The following NOL4L variants were observed in gnomAD, a reference collection of about 807,000 sequenced individuals.
NOL4L encodes the protein nucleolar protein 4-like.
NOL4L carries 7 observed loss-of-function variants against 64.5 expected under a neutral mutation model. The observed-to-expected ratio is 0.11, with a 90% CI of 0.06 to 0.20. NOL4L has a LOEUF of 0.20. Ranked by LOEUF, NOL4L falls within the 10% of genes least tolerant of loss-of-function variation. NOL4L has a pLI of 1.00. For synonymous variants in NOL4L, 413 were observed against 401.0 expected, an observed-to-expected ratio of 1.03 and a Z score of -0.36; for missense variants, 680 against 967.1, an observed-to-expected ratio of 0.70 and a Z score of 3.94.
rs958189204 is a variant in NOL4L, at chr20:32,445,996, C to T, written c.*1600G>A. On this transcript the variant is annotated 3_prime_UTR_variant, in exon 11 of 11. Coordinates refer to ENST00000621426, the MANE Select transcript of NOL4L (RefSeq NM_001256798.2). ...GTGCCTGTTCTGGGAGCGAGTGGCT[C>T]TCCGTGGCCATCCTAGGATCCACTC... is the stretch of plus-strand genomic sequence containing the variant. 6.6e-6 allele frequency: 1 copy of T among 152,206 alleles called. No individual in the cohort carries two copies. The highest frequency in any genetic ancestry group is 2.4e-5 in the African/African-American group (1 of 41,446). 9.4% of individuals were successfully genotyped at this position (152,206 alleles called of 1,614,324 possible).
At chr20:32,452,785 G>A (rs550772308) in intron 9 of NOL4L, 99 bp downstream of exon 9, 107 of 1,549,160 alleles carry the variant, frequency 6.9e-5, no homozygotes, top group Non-Finnish European at 8.6e-5. Flanking sequence ...CCCTTCTCCC[G>A]ACTGTACCCA....
At chr20:32,581,669 C>A (rs1980482919) in intron 1 of NOL4L, among the ~76,000 whole-genome samples, 1 of 152,220 alleles carries the variant, frequency 6.6e-6, no homozygotes. Flanking sequence ...CCATGGGCTT[C>A]TTTATCCTGT....
At chr20:32,481,762 C>G (rs958704338) in intron 4 of NOL4L, among the ~76,000 whole-genome samples, 2 of 152,180 alleles carry the variant, frequency 1.3e-5, no homozygotes, top group Admixed American at 6.5e-5. Context: ...AATTTACTAC[C>G]CGGGGGGCTA....
At chr20:32,484,689 C>G (rs1400934801) in intron 4 of NOL4L, among the ~76,000 whole-genome samples, 1 of 152,102 alleles carries the variant, frequency 6.6e-6, no homozygotes, top group Non-Finnish European at 1.5e-5. Flanking sequence ...ATCTCGGGGA[C>G]GTCGCTCCAG....
intron 1 of NOL4L, among the ~76,000 whole-genome samples, chr20:32,550,850 T>C (rs924969063): frequency 1.3e-5 from 2 of 148,196 alleles, no homozygotes; most frequent in Non-Finnish European, 3.0e-5. Context: ...ACCACTGCAC[T>C]CCAGCCTGGG....
Position 32,527,739 on chromosome 20 carries a change from A to C in NOL4L, c.477+19T>G. ...AAGGCCTGGGGCTGCCAGTGGAGGC[A>C]AAGAGACAGAAATCTCACCGCTCGG... is the stretch of plus-strand genomic sequence containing the variant. On this transcript the variant is annotated intron_variant, in intron 2 of 10. Transcript: ENST00000621426. 6.5e-7 allele frequency: 1 copy of C among 1,540,644 alleles called. No homozygotes were observed. The highest frequency in any genetic ancestry group is 8.8e-7 in the Non-Finnish European group (1 of 1,139,776).
intron 1 of NOL4L, among the ~76,000 whole-genome samples, chr20:32,528,415 G>C (rs1368422914): frequency 1.3e-5 from 2 of 152,346 alleles, no homozygotes; most frequent in East Asian, 3.9e-4. Context: ...AGCTTTTCGC[G>C]GCTGCCTGCC....
chr20:32,453,717 C>T lies in NOL4L; in HGVS notation c.1164G>A (p.Glu388=), dbSNP rs1282595480. Residue 388 remains glutamate (E), a synonymous_variant, in exon 7 of 11, where the codon GAG becomes GAA. Transcript: ENST00000621426. The surrounding 1 kb of genome is among the most constrained non-coding windows in gnomAD (Gnocchi z 5.6). ...TCAGGTCCTCAGGGCAGCCGCTGAC[C>T]TCGGTCTTGATGGAATCGTAGCTCC... The part of the protein sequence containing the change: ...SSGSYDSIKT[E]VSGCPEDLTV... 6.4e-7 allele frequency: 1 copy of T among 1,557,722 alleles called. No individual in the cohort carries two copies. The highest frequency in any genetic ancestry group is 8.7e-7 in the Non-Finnish European group (1 of 1,150,346).
At chr20:32,467,488 C>T (rs771350854) in intron 5 of NOL4L, among the ~76,000 whole-genome samples, 1 of 152,098 alleles carries the variant, frequency 6.6e-6, no homozygotes, top group Non-Finnish European at 1.5e-5. Context: ...GTGGGGATGC[C>T]GCTGAGGGTG....
chr20:32,482,092 A>G (rs1472988803), intron 4 of NOL4L, among the ~76,000 whole-genome samples: 1 of 152,174 alleles, frequency 6.6e-6, no homozygotes, highest in Non-Finnish European at 1.5e-5. Flanking sequence ...TCCAAACACC[A>G]TTTCAGGTGA....
intron 1 of NOL4L, among the ~76,000 whole-genome samples, chr20:32,577,682 A>G (rs531596780): frequency 1.3e-5 from 2 of 152,328 alleles, no homozygotes; most frequent in Admixed American, 6.5e-5. Context: ...TCTGTCTCAA[A>G]AAAAAGAAAA....
chr20:32,585,151 C>G lies in NOL4L; in HGVS notation c.-261G>C, dbSNP rs970681503. ...GCCTCCTGCTCCGCCTCCTCCTCCCCCCGGCCGGGATGCAGGAGCGATGGA... is the reference window on the plus strand; with the variant it reads ...GCCTCCTGCTCCGCCTCCTCCTCCCGCCGGCCGGGATGCAGGAGCGATGGA... On this transcript the variant is annotated 5_prime_UTR_variant, in exon 1 of 11. Coordinates refer to ENST00000621426, the MANE Select transcript of NOL4L (RefSeq NM_001256798.2). The G allele has an allele frequency of 6.6e-6, 1 of 150,868 alleles. No homozygotes were observed. The highest frequency in any genetic ancestry group is 1.5e-5 in the Non-Finnish European group (1 of 67,784). The allele number at this position is 150,868 out of a possible 1,614,324, so 9.3% of individuals were successfully genotyped here. A position where few individuals can be genotyped will look rare whatever the true frequency, so the allele number is the denominator to read the frequency against.
At chr20:32,518,257 C>T (rs957039598) in intron 3 of NOL4L, among the ~76,000 whole-genome samples, 1 of 152,238 alleles carries the variant, frequency 6.6e-6, no homozygotes, top group Admixed American at 6.5e-5. Flanking sequence ...TTCTGTCCAG[C>T]CTGAAGAAAG....
chr20:32,449,596 T>A (rs2012666234), intron 10 of NOL4L, among the ~76,000 whole-genome samples: 1 of 152,178 alleles, frequency 6.6e-6, no homozygotes, highest in Non-Finnish European at 1.5e-5. Context: ...TCCTTGGAAT[T>A]GAGAGTTAAG....
In NOL4L at chr20:32,511,370, G is replaced by C; in HGVS notation, c.676C>G (p.Arg226Gly). The C allele has an allele frequency of 1.3e-6, 2 of 1,550,278 alleles. No homozygotes were observed. The highest frequency in any genetic ancestry group is 1.7e-6 in the Non-Finnish European group (2 of 1,146,764). The stretch of plus-strand genomic sequence containing the variant: ...ACCTGCTCCTGGGAATTCATCACTC[G>C]AAGCTTCATCTGCTTCAGGTAGGTG... ...TSTYLKQMKL[R>G]VMNSQEQDET... The change falls in exon 4 of 11, where the codon CGA becomes GGA. Residue 226 changes from arginine (R) to glycine (G), a missense_variant. This residue lies in a region of NOL4L where 181 missense variants were observed against 335.2 expected (regional missense o/e 0.54). Coordinates refer to ENST00000621426, the MANE Select transcript of NOL4L (RefSeq NM_001256798.2).
chr20:32,472,459 G>A (rs1217131618), intron 5 of NOL4L, among the ~76,000 whole-genome samples: 2 of 152,186 alleles, frequency 1.3e-5, no homozygotes, highest in African/African-American at 4.8e-5. Flanking sequence ...CTCTGCTTGG[G>A]CTGTCCCTGC....
intron 1 of NOL4L, among the ~76,000 whole-genome samples, chr20:32,554,805 T>C (rs1000271303): frequency 6.6e-6 from 1 of 152,036 alleles, no homozygotes; most frequent in Admixed American, 6.6e-5. Context: ...CCAAAGGTGG[T>C]CCAGGAAGGG....
At chr20:32,530,643 C>T (rs1207425873) in intron 1 of NOL4L, among the ~76,000 whole-genome samples, 2 of 151,742 alleles carry the variant, frequency 1.3e-5, no homozygotes, top group South Asian at 2.1e-4. Flanking sequence ...AACACTTGGC[C>T]GGGAATGGTG....
intron 4 of NOL4L, among the ~76,000 whole-genome samples, chr20:32,492,740 T>C (rs745972942): frequency 6.6e-6 from 1 of 152,234 alleles, no homozygotes; most frequent in Non-Finnish European, 1.5e-5. Context: ...AAGGTTGATA[T>C]TCATTTGCCA....
Sources: allele counts gnomAD v4.1 joint callset (sites outside exome capture counted in the v4.1 genomes callset), GRCh38; gene constraint gnomAD v4.1.1; regional missense constraint gnomAD v4.1.1; non-coding constraint Gnocchi (gnomAD v3.1); transcripts MANE v1.5; gene names NCBI Gene and HGNC (gene_info 2026-07-23, HGNC 2026-07-21).